The following SYNPR variants were observed in gnomAD, a reference collection of about 807,000 sequenced individuals.
The protein encoded by SYNPR is synaptoporin.
SYNPR carries 23 observed loss-of-function variants against 32.9 expected under a neutral mutation model. That is an observed-to-expected ratio of 0.70 (90% CI 0.50 to 0.99). The LOEUF is 0.99. Ranked by LOEUF, SYNPR falls within the 50% of genes least tolerant of loss-of-function variation. SYNPR has a pLI of 0.00. For synonymous variants in SYNPR, 146 were observed against 135.9 expected (o/e 1.07, Z -0.52); for missense variants, 318 against 349.3 (o/e 0.91, Z 0.71).
chr3:63,396,166 G>T (rs80116316), intron 2 of SYNPR, among the ~76,000 whole-genome samples: 1 of 152,106 alleles, frequency 6.6e-6, no homozygotes, highest in African/African-American at 2.4e-5. Context: ...TATGATATCC[G>T]CTCCACAATT....
At chr3:63,477,600 G>A (rs1194826364) in intron 2 of SYNPR, among the ~76,000 whole-genome samples, 5 of 152,090 alleles carry the variant, frequency 3.3e-5, no homozygotes, top group Non-Finnish European at 1.5e-5. Flanking sequence ...TGCCTGCTCT[G>A]GCTCTTCAGC....
chr3:63,315,915 G>C (rs2087038966), intron 2 of SYNPR, among the ~76,000 whole-genome samples: 1 of 151,750 alleles, frequency 6.6e-6, no homozygotes, highest in South Asian at 2.1e-4. Flanking sequence ...TATGTCCTTT[G>C]TATGCCAATT....
At chr3:63,420,879 T>A (rs142925714) in intron 2 of SYNPR, among the ~76,000 whole-genome samples, 16 of 152,278 alleles carry the variant, frequency 1.1e-4, no homozygotes, top group African/African-American at 3.4e-4. Flanking sequence ...AGCAATTTTT[T>A]AATTTAATTA....
rs1000327088 is a variant in SYNPR, at chr3:63,559,670, G to A, written c.408+2929G>A. On this transcript the variant is annotated intron_variant, in intron 4 of 5. Coordinates refer to ENST00000478300, the MANE Select transcript of SYNPR (RefSeq NM_001130003.2). ...TTTAATATGTTAACTTAAAAAAAGA[G>A]TAACAAAACAGAATTTGAAACTTTG... Among the ~76,000 whole-genome samples, 50 of 141,262 alleles carry A rather than the reference G, an allele frequency of 3.5e-4. 1 individual carries two copies. Among genetic ancestry groups the A allele is most frequent in the African/African-American group, 1.3e-3 (48 of 38,154 alleles). The allele number at this position is 141,262 out of a possible 152,430, so 92.7% of individuals were successfully genotyped here. A position where few individuals can be genotyped will look rare whatever the true frequency, so the allele number is the denominator to read the frequency against.
intron 3 of SYNPR, among the ~76,000 whole-genome samples, chr3:63,514,916 T>A (rs1701767494): frequency 1.3e-5 from 2 of 152,224 alleles, no homozygotes; most frequent in East Asian, 3.9e-4. Flanking sequence ...ATTTGTGATG[T>A]AAGTTTAATG....
At chr3:63,328,347 G>C (rs1433042191) in intron 2 of SYNPR, among the ~76,000 whole-genome samples, 2 of 152,102 alleles carry the variant, frequency 1.3e-5, no homozygotes, top group African/African-American at 4.8e-5. Context: ...CCACAATTAG[G>C]TGACCTGTTT....
At chr3:63,382,157 T>C (rs1393855169) in intron 2 of SYNPR, among the ~76,000 whole-genome samples, 2 of 152,244 alleles carry the variant, frequency 1.3e-5, no homozygotes, top group Non-Finnish European at 2.9e-5. Context: ...CTGACTGTAC[T>C]AGGTTTCCAC....
the SYNPR span, among the ~76,000 whole-genome samples, chr3:63,207,150 G>T: frequency 6.6e-6 from 1 of 152,200 alleles, no homozygotes; most frequent in Admixed American, 6.5e-5. Context: ...CCAAGTTATA[G>T]CTAGTAAAAG....
At chr3:63,342,871 C>T (rs1560198589) in intron 2 of SYNPR, among the ~76,000 whole-genome samples, 1 of 152,138 alleles carries the variant, frequency 6.6e-6, no homozygotes, top group East Asian at 1.9e-4. Flanking sequence ...AATTGATCCA[C>T]TTCTTCTAAG....
At chr3:63,428,156 G>C (rs558272083) in intron 2 of SYNPR, among the ~76,000 whole-genome samples, 9 of 152,270 alleles carry the variant, frequency 5.9e-5, no homozygotes, top group Admixed American at 5.9e-4. Context: ...TCAGACACTA[G>C]ACTGTTATGT....
chr3:63,335,790 T>TTTTTTTTTA (rs2087285250), intron 2 of SYNPR, among the ~76,000 whole-genome samples: 13 of 142,458 alleles, frequency 9.1e-5, no homozygotes, highest in Non-Finnish European at 1.8e-4. Flanking sequence ...TTTTTTTTTT[T>TTTTTTTTTA]GAGACAGAGT....
the SYNPR span, among the ~76,000 whole-genome samples, chr3:63,213,920 G>T: frequency 8.8e-5 from 1 of 11,302 alleles, no homozygotes; most frequent in East Asian, 7.1e-4. Flanking sequence ...TAGCATGAAG[G>T]GTTGTTGAAT....
chr3:63,208,650 G>C, the SYNPR span, among the ~76,000 whole-genome samples: 1 of 152,170 alleles, frequency 6.6e-6, no homozygotes, highest in South Asian at 2.1e-4. Flanking sequence ...ATGCTGTGCT[G>C]AAAGAGAATT....
chr3:63,517,572 G>A (rs577992559), intron 3 of SYNPR, among the ~76,000 whole-genome samples: 46 of 152,150 alleles, frequency 3.0e-4, no homozygotes, highest in Non-Finnish European at 6.6e-4. Context: ...CCAATTACAG[G>A]AACAATGTTT....
chr3:63,207,154 G>A, the SYNPR span, among the ~76,000 whole-genome samples: 5 of 152,218 alleles, frequency 3.3e-5, no homozygotes, highest in Admixed American at 3.3e-4. Context: ...GTTATAGCTA[G>A]TAAAAGTGCA....
intron 2 of SYNPR, among the ~76,000 whole-genome samples, chr3:63,358,793 T>C (rs903303749): frequency 1.3e-5 from 2 of 152,214 alleles, no homozygotes; most frequent in Non-Finnish European, 2.9e-5. Context: ...GGTTCTACTA[T>C]TGTCCTCATT....
At chr3:63,381,305 T>G (rs1050811211) in intron 2 of SYNPR, among the ~76,000 whole-genome samples, 26 of 152,158 alleles carry the variant, frequency 1.7e-4, no homozygotes, top group African/African-American at 6.3e-4. Context: ...CATTCACAAT[T>G]GCTTCAAAGA....
chr3:63,204,251 G>T, the SYNPR span, among the ~76,000 whole-genome samples: 1 of 152,220 alleles, frequency 6.6e-6, no homozygotes, highest in Non-Finnish European at 1.5e-5. Context: ...TCAAGATGTT[G>T]GGAGGGCCAT....
intron 2 of SYNPR, among the ~76,000 whole-genome samples, chr3:63,374,387 G>A (rs753971038): frequency 4.6e-5 from 7 of 152,248 alleles, no homozygotes; most frequent in African/African-American, 1.2e-4. Context: ...GCTAAACAAT[G>A]AGAACTCATG....
Sources: gnomAD v4.1 joint callset for allele counts (sites outside exome capture counted in the v4.1 genomes callset) on GRCh38, gnomAD v4.1.1 for gene constraint, MANE v1.5 for transcripts, NCBI Gene and HGNC (gene_info 2026-07-23, HGNC 2026-07-21) for gene names.